TMEM132C: variants seen among roughly 807,000 people sequenced by gnomAD.
TMEM132C encodes transmembrane protein 132C, also known as protein phosphatase 1, regulatory subunit 152.
A neutral mutation model predicts 61.4 loss-of-function variants in TMEM132C; 29 were observed. The ratio of observed to expected loss-of-function variants is 0.47; its 90% confidence interval spans 0.35 to 0.64. The LOEUF (loss-of-function observed/expected upper bound fraction) is 0.64. Among genes scored for constraint, TMEM132C ranks in the 30% least tolerant of loss-of-function variants. The pLI is 0.00. For synonymous variants in TMEM132C, 656 were observed against 633.1 expected (o/e 1.04, Z -0.54); for missense variants, 1,408 against 1,476.9 (o/e 0.95, Z 0.76).
chr12:128,703,081 A>T (rs975312683), intron 8 of TMEM132C, among the ~76,000 whole-genome samples: 2 of 152,234 alleles, frequency 1.3e-5, no homozygotes, highest in Non-Finnish European at 2.9e-5. Flanking sequence ...CTAAAGCCAC[A>T]GCAGTTCCAG....
chr12:128,419,264 C>T (rs563692520), intron 2 of TMEM132C, among the ~76,000 whole-genome samples: 1 of 152,336 alleles, frequency 6.6e-6, no homozygotes, highest in South Asian at 2.1e-4. Context: ...AGCTAGATAA[C>T]ATCCGAGAGG....
intron 4 of TMEM132C, 135 bp from the exon 5 acceptor site, chr12:128,669,282 T>C (rs1593142348): frequency 1.0e-6 from 1 of 958,670 alleles, no homozygotes; most frequent in Non-Finnish European, 1.5e-6. Context: ...TGGTACAGTA[T>C]GTAAATGGTA....
At chr12:128,615,119 C>T (rs569737621) in intron 3 of TMEM132C, among the ~76,000 whole-genome samples, 1 of 152,320 alleles carries the variant, frequency 6.6e-6, no homozygotes, top group South Asian at 2.1e-4. Flanking sequence ...AATCCTGCAT[C>T]TAGCAGCAAG....
At chr12:128,453,890 C>G (rs969741990) in intron 2 of TMEM132C, among the ~76,000 whole-genome samples, 1 of 152,082 alleles carries the variant, frequency 6.6e-6, no homozygotes, top group Non-Finnish European at 1.5e-5. Flanking sequence ...AACATCTCAA[C>G]AATTATGTTC....
intron 2 of TMEM132C, among the ~76,000 whole-genome samples, chr12:128,495,776 CTCTT>C (rs1871928939): frequency 6.6e-6 from 1 of 152,078 alleles, no homozygotes; most frequent in Non-Finnish European, 1.5e-5. Context: ...TGGGTCTTGA[CTCTT>C]TATCCAATTT....
chr12:128,426,172 C>G (rs922448487), intron 2 of TMEM132C, among the ~76,000 whole-genome samples: 3 of 152,214 alleles, frequency 2.0e-5, no homozygotes, highest in Admixed American at 6.5e-5. Flanking sequence ...AAACTCCTCT[C>G]CGCCGGAGGA....
At chr12:128,566,729 T>C (rs1162239889) in intron 3 of TMEM132C, among the ~76,000 whole-genome samples, 1 of 152,192 alleles carries the variant, frequency 6.6e-6, no homozygotes, top group Non-Finnish European at 1.5e-5. Context: ...CCACATCACG[T>C]AGTTCGTACT....
chr12:128,344,270 G>T (rs999274765), intron 1 of TMEM132C, among the ~76,000 whole-genome samples: 4 of 152,100 alleles, frequency 2.6e-5, no homozygotes, highest in Non-Finnish European at 5.9e-5. Context: ...CCATTCTCCT[G>T]CCTCAGCCTC....
intron 1 of TMEM132C, among the ~76,000 whole-genome samples, chr12:128,363,827 A>G (rs1873777874): frequency 6.8e-6 from 1 of 146,108 alleles, no homozygotes; most frequent in Non-Finnish European, 1.5e-5. Flanking sequence ...CCTGAGCAAC[A>G]GAGTGAGACT....
intron 1 of TMEM132C, among the ~76,000 whole-genome samples, chr12:128,276,915 C>CACACACACACACACAG (rs1476120170): frequency 6.6e-6 from 1 of 151,688 alleles, no homozygotes; most frequent in Non-Finnish European, 1.5e-5. Flanking sequence ...CACACACACA[C>CACACACACACACACAG]AATTCTAGGC....
rs1430933235 is a variant in TMEM132C at position 128,705,705 on chromosome 12, C to G, written c.2737C>G (p.Leu913Val). ...CGGGAGTGGGCTGGAGGAAAACGAC[C>G]TGGTGCAGACTCCGCGGGGCCTGAG... ...KAGSGLEEND[L>V]VQTPRGLSDL... Residue 913 changes from leucine (L) to valine (V), a missense_variant, in exon 9 of 9, where the codon CTG (leucine) becomes GTG (valine). Coordinates refer to ENST00000435159, the MANE Select transcript of TMEM132C (RefSeq NM_001136103.3). 9 of 1,551,480 alleles carry G rather than the reference C, an allele frequency of 5.8e-6. No individual in the cohort carries two copies. Among genetic ancestry groups the G allele is most frequent in the Non-Finnish European group, 7.8e-6 (9 of 1,146,962 alleles).
intron 2 of TMEM132C, among the ~76,000 whole-genome samples, chr12:128,516,134 C>T (rs938994118): frequency 6.6e-6 from 1 of 152,160 alleles, no homozygotes. Context: ...ACCCTTCCTC[C>T]TCTTTTCACT....
At chr12:128,676,955 C>A (rs960837559) in intron 5 of TMEM132C, among the ~76,000 whole-genome samples, 1 of 152,158 alleles carries the variant, frequency 6.6e-6, no homozygotes, top group African/African-American at 2.4e-5. Context: ...TGGATGTCGG[C>A]CTCTTTGTTG....
At chr12:128,400,879 T>C (rs1593040175) in intron 1 of TMEM132C, among the ~76,000 whole-genome samples, 1 of 151,888 alleles carries the variant, frequency 6.6e-6, no homozygotes, top group East Asian at 2.0e-4. Context: ...AAAGTGCTGA[T>C]ATTACAGGCT....
At chr12:128,598,885 T>C (rs1444951525) in intron 3 of TMEM132C, among the ~76,000 whole-genome samples, 2 of 151,700 alleles carry the variant, frequency 1.3e-5, no homozygotes, top group Non-Finnish European at 2.9e-5. Context: ...TGGGTGGGAG[T>C]GTGTTCCACA....
chr12:128,338,798 G>A (rs1008021343), intron 1 of TMEM132C, among the ~76,000 whole-genome samples: 9 of 139,650 alleles, frequency 6.4e-5, no homozygotes, highest in Admixed American at 2.0e-4. Context: ...GATGAAATCC[G>A]TCCTAGGGTC....
At chr12:128,427,422 GTGTGTGTA>G (rs1331108055) in intron 2 of TMEM132C, among the ~76,000 whole-genome samples, 4 of 143,982 alleles carry the variant, frequency 2.8e-5, no homozygotes, top group African/African-American at 1.1e-4. Context: ...GTGTGTGTGT[GTGTGTGTA>G]TATATATTTA....
intron 1 of TMEM132C, among the ~76,000 whole-genome samples, chr12:128,385,840 G>C (rs542750307): frequency 3.3e-5 from 5 of 152,316 alleles, no homozygotes; most frequent in South Asian, 2.1e-4. Flanking sequence ...GCAGCCGCAA[G>C]TGAGAGTCAT....
At chr12:128,375,808 G>T (rs943348264) in intron 1 of TMEM132C, among the ~76,000 whole-genome samples, 1 of 152,190 alleles carries the variant, frequency 6.6e-6, no homozygotes, top group Non-Finnish European at 1.5e-5. Flanking sequence ...GGGAGTTGGG[G>T]ATGGTATGTT....
Sources: gnomAD v4.1 joint callset for allele counts (sites outside exome capture counted in the v4.1 genomes callset) on GRCh38, gnomAD v4.1.1 for gene constraint, MANE v1.5 for transcripts, NCBI Gene and HGNC (gene_info 2026-07-23, HGNC 2026-07-21) for gene names.